The following GARIN1A variants were observed in gnomAD, a reference collection of about 807,000 sequenced individuals.
The protein encoded by GARIN1A is Golgi-associated RAB2 interactor protein 1A.
the GARIN1A span, chr7:128,684,614 C>CAAAAAAAAAAA: frequency 4.3e-5 from 4 of 92,364 alleles, no homozygotes; most frequent in Non-Finnish European, 6.1e-5. Context: ...GACTCCATCT[C>CAAAAAAAAAAA]AAAAAAAAAA....
chr7:128,697,964 G>C, the GARIN1A span, among the ~76,000 whole-genome samples: 1 of 152,058 alleles, frequency 6.6e-6, no homozygotes, highest in Admixed American at 6.6e-5. Context: ...TGCATTCTGG[G>C]TACAAGCTTC....
the GARIN1A span, among the ~76,000 whole-genome samples, chr7:128,682,651 C>A: frequency 1.3e-5 from 2 of 152,162 alleles, no homozygotes; most frequent in African/African-American, 2.4e-5. Flanking sequence ...CATCTCTGCT[C>A]ACTGCAAGCT....
chr7:128,689,726 C>T, the GARIN1A span, among the ~76,000 whole-genome samples: 2 of 151,004 alleles, frequency 1.3e-5, no homozygotes, highest in African/African-American at 2.4e-5. Flanking sequence ...GCAGCCACCC[C>T]GTCCGGGAGG....
chr7:128,674,686 T>C, the GARIN1A span, among the ~76,000 whole-genome samples: 1 of 152,184 alleles, frequency 6.6e-6, no homozygotes, highest in African/African-American at 2.4e-5. Context: ...AATTCACTTT[T>C]CTGGGAACAC....
At chr7:128,677,772 T>G in the GARIN1A span, 1 of 1,613,878 alleles carries the variant, frequency 6.2e-7, no homozygotes, top group African/African-American at 1.3e-5. Flanking sequence ...ATTCACTCAC[T>G]GCCTGGTGCC....
At chr7:128,684,227 G>A in the GARIN1A span, 2 of 152,268 alleles carry the variant, frequency 1.3e-5, no homozygotes, top group East Asian at 1.9e-4. Flanking sequence ...GGAAATAGAG[G>A]TTGAGCTACT....
the GARIN1A span, among the ~76,000 whole-genome samples, chr7:128,708,709 C>T: frequency 6.6e-6 from 1 of 152,172 alleles, no homozygotes; most frequent in East Asian, 1.9e-4. Flanking sequence ...TATGTCTTTT[C>T]TACCCTTTGG....
chr7:128,678,665 A>AT, the GARIN1A span, among the ~76,000 whole-genome samples: 2 of 152,016 alleles, frequency 1.3e-5, no homozygotes, highest in Non-Finnish European at 2.9e-5. Context: ...TTAGCCAGGC[A>AT]TGGTGGCAGG....
the GARIN1A span, among the ~76,000 whole-genome samples, chr7:128,689,301 A>G: frequency 2.2e-5 from 3 of 137,162 alleles, no homozygotes; most frequent in Non-Finnish European, 4.7e-5. Flanking sequence ...CCGGCTGCCC[A>G]GTCTGGGAAG....
At chr7:128,708,798 C>T in the GARIN1A span, among the ~76,000 whole-genome samples, 3 of 152,278 alleles carry the variant, frequency 2.0e-5, no homozygotes, top group Non-Finnish European at 2.9e-5. Context: ...ATACTTAATG[C>T]GTATGGCAAG....
chr7:128,675,836 C>A, the GARIN1A span: 1 of 1,612,942 alleles, frequency 6.2e-7, no homozygotes, highest in Non-Finnish European at 8.5e-7. Context: ...CACCTGGTGA[C>A]GCCCCAGTCA....
the GARIN1A span, among the ~76,000 whole-genome samples, chr7:128,679,483 G>A: frequency 1.4e-4 from 21 of 152,082 alleles, no homozygotes; most frequent in Admixed American, 1.2e-3. Flanking sequence ...GAGCCACTGC[G>A]CCCAGCCTAA....
At chr7:128,675,862 A>G in the GARIN1A span, 2 of 1,606,170 alleles carry the variant, frequency 1.2e-6, no homozygotes, top group Non-Finnish European at 8.5e-7. Flanking sequence ...CTCAGCAGGT[A>G]AAGGCTTGAG....
the GARIN1A span, among the ~76,000 whole-genome samples, chr7:128,678,601 C>T: frequency 2.6e-5 from 4 of 151,990 alleles, no homozygotes; most frequent in Admixed American, 1.3e-4. Flanking sequence ...GTCAGGAGTT[C>T]GAGACCAGCC....
At chr7:128,681,597 G>A in the GARIN1A span, among the ~76,000 whole-genome samples, 3 of 151,130 alleles carry the variant, frequency 2.0e-5, no homozygotes, top group East Asian at 5.9e-4. Context: ...AATCTCCTGG[G>A]GTCAAGCAAT....
At chr7:128,677,640 G>T in the GARIN1A span, 1 of 1,613,636 alleles carries the variant, frequency 6.2e-7, no homozygotes, top group Non-Finnish European at 8.5e-7. Context: ...GACAGTGACC[G>T]AAAAGATCTA....
At chr7:128,692,361 G>T in the GARIN1A span, among the ~76,000 whole-genome samples, 36 of 152,196 alleles carry the variant, frequency 2.4e-4, no homozygotes, top group Non-Finnish European at 4.7e-4. Context: ...CCTTCAAAAT[G>T]AGGGAAGAAA....
the GARIN1A span, among the ~76,000 whole-genome samples, chr7:128,699,264 C>A: frequency 6.6e-5 from 9 of 135,870 alleles, no homozygotes; most frequent in Non-Finnish European, 1.1e-4. Flanking sequence ...CCTGCTGCCC[C>A]CCCCCCCCCA....
chr7:128,691,234 G>A, the GARIN1A span: 6 of 152,112 alleles, frequency 3.9e-5, no homozygotes, highest in African/African-American at 1.4e-4. Flanking sequence ...TGGAAGTTCT[G>A]TGCCCCAGAA....
Sources: gnomAD v4.1 joint callset for allele counts (sites outside exome capture counted in the v4.1 genomes callset) on GRCh38, gnomAD v4.1.1 for gene constraint, MANE v1.5 for transcripts, NCBI Gene and HGNC (gene_info 2026-07-23, HGNC 2026-07-21) for gene names.